Variants in CSGALNACT1 observed in about 807,000 individuals in gnomAD.
CSGALNACT1 encodes chondroitin sulfate N-acetylgalactosaminyltransferase 1.
In CSGALNACT1, 52 loss-of-function variants were observed where a neutral mutation model predicts 51.0. The ratio of observed to expected loss-of-function variants is 1.02; its 90% CI spans 0.82 to 1.29. The LOEUF is 1.29. Among genes scored for constraint, CSGALNACT1 ranks in the 50% most tolerant of loss-of-function variants. The pLI is 0.00. For missense variants in CSGALNACT1, 935 were observed against 679.2 expected (o/e 1.38, Z -4.19); for synonymous variants, 341 against 254.4 (o/e 1.34, Z -3.24).
intron 6 of CSGALNACT1, among the ~76,000 whole-genome samples, chr8:19,427,184 TC>T (rs1382962222): frequency 6.6e-6 from 1 of 152,182 alleles, no homozygotes; most frequent in Non-Finnish European, 1.5e-5. Flanking sequence ...TTTTTGCCTT[TC>T]CATCGGTTCT....
chr8:19,630,244 A>G (rs12542892), intron 1 of CSGALNACT1, among the ~76,000 whole-genome samples: 3,539 of 72,416 alleles, frequency 0.049, 84 homozygotes, highest in African/African-American at 0.13. Flanking sequence ...GTGTGTGTGT[A>G]TGTGTGTGTG....
At chr8:19,716,791 CA>C (rs111640426) in intron 1 of CSGALNACT1, among the ~76,000 whole-genome samples, 72 of 145,814 alleles carry the variant, frequency 4.9e-4, no homozygotes, top group East Asian at 1.0e-3. Flanking sequence ...GACTTTTTCT[CA>C]AAAAAAAAAA....
chr8:19,454,044 G>A (rs185219196), intron 5 of CSGALNACT1, among the ~76,000 whole-genome samples: 11 of 152,316 alleles, frequency 7.2e-5, no homozygotes, highest in Admixed American at 3.9e-4. Context: ...AGCCGTTTAC[G>A]AGAGAGACAA....
intron 1 of CSGALNACT1, among the ~76,000 whole-genome samples, chr8:19,668,960 C>T (rs966673872): frequency 6.6e-6 from 1 of 152,182 alleles, no homozygotes; most frequent in Non-Finnish European, 1.5e-5. Context: ...CTATGAATTT[C>T]CAGTGATCAA....
In CSGALNACT1 at chr8:19,450,295, G is replaced by GGAGGA. The variant is rs1223560655; in HGVS notation, c.851+8126_851+8130dup. Among the ~76,000 whole-genome samples, 3 of 148,468 alleles carry GGAGGA rather than the reference G, an allele frequency of 2.0e-5. No homozygotes were observed. The South Asian group carries it at 6.7e-4, about 33-fold the overall frequency. On this transcript the variant is annotated intron_variant, in intron 5 of 9. Transcript: ENST00000454498. Reference sequence around the variant, plus strand: ...GGGGGGAGGAGAGGGAGGAGGAGAAGGAGGAGGAGGAATAGGAGGAGGAGG... The same window carrying GGAGGA: ...GGGGGGAGGAGAGGGAGGAGGAGAAGGAGGAGAGGAGGAGGAATAGGAGGAGGAGG...
At chr8:19,527,833 C>T (rs2082003110) in intron 3 of CSGALNACT1, among the ~76,000 whole-genome samples, 1 of 152,080 alleles carries the variant, frequency 6.6e-6, no homozygotes, top group Admixed American at 6.5e-5. Flanking sequence ...GCCTCTGAAG[C>T]ATCCAGGCGG....
At chr8:19,425,460 T>C (rs2058631013) in intron 6 of CSGALNACT1, among the ~76,000 whole-genome samples, 1 of 152,214 alleles carries the variant, frequency 6.6e-6, no homozygotes, top group Non-Finnish European at 1.5e-5. Flanking sequence ...TGTTCATTTT[T>C]TCAGATGTAA....
intron 1 of CSGALNACT1, among the ~76,000 whole-genome samples, chr8:19,748,418 A>C (rs572704230): frequency 3.3e-5 from 5 of 152,348 alleles, no homozygotes; most frequent in African/African-American, 1.2e-4. Context: ...ACATTTAAAA[A>C]ACTAAGAATA....
At chr8:19,437,809 T>C (rs373493893) in intron 6 of CSGALNACT1, among the ~76,000 whole-genome samples, 15 of 152,182 alleles carry the variant, frequency 9.9e-5, no homozygotes, top group South Asian at 2.1e-4. Context: ...ATTGGGTAGA[T>C]TGATGACTAG....
intron 1 of CSGALNACT1, among the ~76,000 whole-genome samples, chr8:19,626,531 G>C (rs559610149): frequency 6.6e-6 from 1 of 152,110 alleles, no homozygotes; most frequent in Admixed American, 6.5e-5. Flanking sequence ...TTAGGGTTAG[G>C]CAAAGAAATC....
chr8:19,556,268 C>G (rs1393760998), intron 3 of CSGALNACT1, among the ~76,000 whole-genome samples: 2 of 151,570 alleles, frequency 1.3e-5, no homozygotes, highest in African/African-American at 2.4e-5. Flanking sequence ...CCCAGCTACT[C>G]GGGAGGCTGA....
chr8:19,614,825 C>T (rs1054967766), intron 1 of CSGALNACT1, among the ~76,000 whole-genome samples: 41 of 152,220 alleles, frequency 2.7e-4, no homozygotes, highest in African/African-American at 9.6e-4. Context: ...TTCTGCTACA[C>T]GGTGCTGCCC....
intron 8 of CSGALNACT1, among the ~76,000 whole-genome samples, chr8:19,410,912 G>C (rs2055555860): frequency 6.6e-6 from 1 of 152,200 alleles, no homozygotes; most frequent in Non-Finnish European, 1.5e-5. Context: ...GTCGCTAACT[G>C]GAAGGACGCG....
chr8:19,653,389 C>A (rs1244541453), intron 1 of CSGALNACT1, among the ~76,000 whole-genome samples: 1 of 152,162 alleles, frequency 6.6e-6, no homozygotes, highest in Non-Finnish European at 1.5e-5. Context: ...CCCATTGTCC[C>A]CCTCAGACTC....
At chr8:19,473,218 G>C (rs951641362) in intron 4 of CSGALNACT1, among the ~76,000 whole-genome samples, 1 of 152,172 alleles carries the variant, frequency 6.6e-6, no homozygotes, top group Admixed American at 6.5e-5. Context: ...TAATATTCGG[G>C]TCAAGGCAAT....
intron 1 of CSGALNACT1, among the ~76,000 whole-genome samples, chr8:19,630,283 G>A (rs1226262469): frequency 6.6e-6 from 1 of 150,850 alleles, no homozygotes; most frequent in East Asian, 1.9e-4. Flanking sequence ...TGTAAAGACT[G>A]AAACTTGAGT....
chr8:19,418,693 C>G (rs779694868), exon 8 of CSGALNACT1: 2 of 1,613,650 alleles, frequency 1.2e-6, no homozygotes, highest in South Asian at 2.2e-5. Context: ...ATCATGGTGG[C>G]CGTATATTAT....
At chr8:19,449,365 G>A (rs1002620622) in intron 5 of CSGALNACT1, among the ~76,000 whole-genome samples, 5 of 152,134 alleles carry the variant, frequency 3.3e-5, no homozygotes, top group African/African-American at 1.2e-4. Context: ...GAGGTAGAGG[G>A]GCTTAAGGAT....
chr8:19,639,630 G>A (rs1329086286), intron 1 of CSGALNACT1, among the ~76,000 whole-genome samples: 1 of 152,118 alleles, frequency 6.6e-6, no homozygotes, highest in East Asian at 1.9e-4. Flanking sequence ...CAAGTCTTGG[G>A]AGTCAGGAAG....
Sources: gnomAD v4.1 joint callset for allele counts (sites outside exome capture counted in the v4.1 genomes callset) on GRCh38, gnomAD v4.1.1 for gene constraint, MANE v1.5 for transcripts, NCBI Gene and HGNC (gene_info 2026-07-23, HGNC 2026-07-21) for gene names.